The following DTX1 variants were observed in gnomAD, a reference collection of about 807,000 sequenced individuals.
DTX1 encodes deltex E3 ubiquitin ligase 1, also known as E3 ubiquitin-protein ligase DTX1.
Under a neutral mutation model 57.8 loss-of-function variants are expected in DTX1, and 26 were observed. The ratio of observed to expected loss-of-function variants is 0.45; its 90% confidence interval spans 0.33 to 0.62. The LOEUF is 0.62. Among genes scored for constraint, DTX1 ranks in the 20% least tolerant of loss-of-function variants. DTX1 has a pLI of 0.02. For missense variants in DTX1, 704 were observed against 895.3 expected, an observed-to-expected ratio of 0.79 and a Z score of 2.73; for synonymous variants, 398 against 394.1, an observed-to-expected ratio of 1.01 and a Z score of -0.12.
In DTX1 at chr12:113,097,128, CATA is replaced by C; in HGVS notation, c.*190_*192del. On this transcript the variant is annotated 3_prime_UTR_variant, in exon 10 of 10. Coordinates refer to ENST00000548759, the MANE Select transcript of DTX1 (RefSeq NM_004416.3). ...ATGGCATGTCAGGCTGGCCCCGAAT[CATA>C]GCTCCCTGAGAGGGCCAAGCAGAGA... 6.2e-6 allele frequency: 4 copies of C among 649,202 alleles called. No homozygotes were observed. Among genetic ancestry groups the C allele is most frequent in the Non-Finnish European group, 1.0e-5 (4 of 385,512 alleles). 40.2% of individuals were successfully genotyped at this position (649,202 alleles called of 1,614,324 possible).
intron 2 of DTX1, among the ~76,000 whole-genome samples, chr12:113,075,168 T>G (rs2044762758): frequency 1.3e-5 from 2 of 152,234 alleles, no homozygotes; most frequent in African/African-American, 4.8e-5. Context: ...CATGTCTGCT[T>G]ATGCCCATTT....
chr12:113,060,016 A>G (rs1431052724), intron 2 of DTX1, among the ~76,000 whole-genome samples: 1 of 152,074 alleles, frequency 6.6e-6, no homozygotes, highest in Non-Finnish European at 1.5e-5. Flanking sequence ...GCACAGTCCA[A>G]TATAAGTTTC....
At chr12:113,088,368 T>C (rs1196654738) in intron 3 of DTX1, among the ~76,000 whole-genome samples, 1 of 152,162 alleles carries the variant, frequency 6.6e-6, no homozygotes, top group African/African-American at 2.4e-5. Context: ...CTGTGGGTGC[T>C]AGGAGGACAG....
At chr12:113,072,081 G>A (rs528823962) in intron 2 of DTX1, among the ~76,000 whole-genome samples, 4 of 152,248 alleles carry the variant, frequency 2.6e-5, no homozygotes, top group South Asian at 4.1e-4. Context: ...GGGACCCCTC[G>A]AAGCTTGGCC....
chr12:113,076,021 A>C (rs1024959976), intron 2 of DTX1, among the ~76,000 whole-genome samples: 2 of 151,652 alleles, frequency 1.3e-5, no homozygotes, highest in East Asian at 3.9e-4. Context: ...TCTGAGGGAG[A>C]AAATGGAGCG....
chr12:113,080,298 A>G (rs1398141138), intron 3 of DTX1, among the ~76,000 whole-genome samples: 1 of 152,214 alleles, frequency 6.6e-6, no homozygotes, highest in Non-Finnish European at 1.5e-5. Context: ...GGGAGATCTC[A>G]GGGGGCTGAA....
chr12:113,066,119 C>G (rs1328979694), intron 2 of DTX1, among the ~76,000 whole-genome samples: 4 of 152,202 alleles, frequency 2.6e-5, no homozygotes, highest in Non-Finnish European at 5.9e-5. Flanking sequence ...CCCTAGCTGC[C>G]TCTGGCTGAC....
At chr12:113,094,745 C>T (rs747451954) in intron 6 of DTX1, 44 bp from the exon 7 acceptor site, 3 of 1,593,088 alleles carry the variant, frequency 1.9e-6, no homozygotes, top group Non-Finnish European at 2.6e-6. Flanking sequence ...CCAGTAGGTG[C>T]CCTGCCCTCC....
intron 2 of DTX1, among the ~76,000 whole-genome samples, chr12:113,076,145 A>C (rs2044769925): frequency 6.6e-6 from 1 of 152,106 alleles, no homozygotes; most frequent in Non-Finnish European, 1.5e-5. Context: ...TGGAGAATAC[A>C]TAAAGGTATC....
intron 3 of DTX1, among the ~76,000 whole-genome samples, chr12:113,081,938 G>A (rs1074161): frequency 0.077 from 11,654 of 152,100 alleles, 582 homozygotes; most frequent in African/African-American, 0.13. Context: ...CCTGGGCTTG[G>A]TGCTGCCATC....
intron 2 of DTX1, among the ~76,000 whole-genome samples, chr12:113,061,912 GC>G (rs758178005): frequency 1.2e-4 from 18 of 151,988 alleles, no homozygotes; most frequent in Non-Finnish European, 2.2e-4. Context: ...TACCCTGTTG[GC>G]CAAGCTGGTC....
rs375934553 is a variant in DTX1 at position 113,094,847 on chromosome 12, G to A, written c.1286G>A (p.Arg429Gln). ...VTASGYEGVL[R>Q]HKGVRPELVG... ...GCATCAGGCTACGAGGGCGTGCTTC[G>A]GCACAAGGGCGTGCGGCCTGAGCTC... Residue 429 changes from arginine (R) to glutamine (Q), a missense_variant, in exon 7 of 10, where the codon CGG becomes CAG. Physicochemically the swap from Arg to Gln is conservative, Grantham distance 43 (BLOSUM62 1). Transcript: ENST00000548759. The A allele has an allele frequency of 8.7e-6, 14 of 1,613,700 alleles. No individual in the cohort carries two copies. The highest frequency in any genetic ancestry group is 6.7e-5 in the African/African-American group (5 of 74,946).
chr12:113,077,875 A>G lies in DTX1; in HGVS notation c.711A>G (p.Pro237=). ...CGCCCCCGCTGCCGCCGCCGCCGCC[A>G]CCTGGAGGGCCTCCAGGCGCGCTTG... is the stretch of plus-strand genomic sequence containing the variant. ...PPAPPLPPPP[P]PGGPPGALAV... Residue 237 remains proline (P), a synonymous_variant, in exon 3 of 10, where the codon CCA becomes CCG. Coordinates refer to ENST00000548759, the MANE Select transcript of DTX1 (RefSeq NM_004416.3). This position sits in a 1 kb window ranked among gnomAD's most constrained non-coding sequence, Gnocchi z 7.8. 3 of 1,299,048 alleles carry G rather than the reference A, an allele frequency of 2.3e-6. No individual in the cohort carries two copies. Among genetic ancestry groups the G allele is most frequent in the Non-Finnish European group, 2.9e-6 (3 of 1,033,516 alleles). The allele number at this position is 1,299,048 out of a possible 1,614,324, so 80.5% of individuals were successfully genotyped here.
At position 113,073,881 on chromosome 12, in the gene DTX1, T is replaced by TGCA. The variant is rs1168839586; in HGVS notation, c.260-3540_260-3538dup. On this transcript the variant is annotated intron_variant, in intron 2 of 9. Transcript: ENST00000548759. ...GCAAAGCAGACAAGATCCCTGACTT[T>TGCA]GCAGCTGACAGCCTAGAGTGAGGAT... is the stretch of plus-strand genomic sequence containing the variant. 6.6e-5 allele frequency among the ~76,000 whole-genome samples: 10 copies of TGCA among 152,300 alleles called. No individual in the cohort carries two copies. The South Asian group carries it at 1.7e-3, about 25-fold the overall frequency.
intron 3 of DTX1, among the ~76,000 whole-genome samples, chr12:113,092,206 G>T (rs1373279438): frequency 6.6e-6 from 1 of 152,116 alleles, no homozygotes; most frequent in East Asian, 1.9e-4. Flanking sequence ...GAAATTACTC[G>T]GCCAGGATTG....
At chr12:113,081,370 C>A (rs113983424) in intron 3 of DTX1, among the ~76,000 whole-genome samples, 1 of 152,260 alleles carries the variant, frequency 6.6e-6, no homozygotes, top group South Asian at 2.1e-4. Flanking sequence ...AGCTACTGTT[C>A]TAGAGGAGGC....
chr12:113,064,058 T>C (rs1302935556), intron 2 of DTX1, among the ~76,000 whole-genome samples: 3 of 152,132 alleles, frequency 2.0e-5, no homozygotes, highest in Non-Finnish European at 2.9e-5. Flanking sequence ...GAGAGCGCTC[T>C]TGGGGCTTGT....
intron 3 of DTX1, among the ~76,000 whole-genome samples, chr12:113,082,479 G>A (rs2044825884): frequency 1.3e-5 from 2 of 152,322 alleles, no homozygotes; most frequent in South Asian, 4.1e-4. Context: ...CCTATGAGGG[G>A]AAAGGGATGG....
intron 3 of DTX1, chr12:113,089,775 G>C (rs1172423365): frequency 6.6e-6 from 1 of 152,228 alleles, no homozygotes; most frequent in African/African-American, 2.4e-5. Context: ...CTCTTCCCAG[G>C]AGCAAGACTG....
Sources: gnomAD v4.1 joint callset for allele counts (sites outside exome capture counted in the v4.1 genomes callset) on GRCh38, gnomAD v4.1.1 for gene constraint, Gnocchi (gnomAD v3.1) non-coding constraint, MANE v1.5 for transcripts, NCBI Gene and HGNC (gene_info 2026-07-23, HGNC 2026-07-21) for gene names.